Variants in PAK1 observed in about 807,000 individuals in gnomAD.
PAK1 encodes the protein p21 (RAC1) activated kinase 1.
A neutral mutation model predicts 67.4 loss-of-function variants in PAK1; 29 were observed. The observed-to-expected ratio is 0.43, with a 90% CI of 0.32 to 0.59. PAK1 has a LOEUF of 0.59. Among genes scored for constraint, PAK1 ranks in the 20% least tolerant of loss-of-function variants. The probability of loss-of-function intolerance (pLI) is 0.07; values close to 1 mark genes in which losing one functional copy is unlikely to be tolerated. For synonymous variants in PAK1, 223 were observed against 237.4 expected (o/e 0.94, Z 0.56); for missense variants, 337 against 670.7 (o/e 0.50, Z 5.50).
rs1938661574 is a variant in PAK1 at position 77,322,495 on chromosome 11, C to T, written c.*779G>A. On this transcript the variant is annotated 3_prime_UTR_variant, in exon 15 of 15. Transcript: ENST00000356341. The stretch of plus-strand genomic sequence containing the variant: ...TTGCTCTAAAAGTAGTCACCATTTT[C>T]CCCGACTTCTCAACACTGCTCTCAC... The T allele has an allele frequency of 5.2e-6, 1 of 192,778 alleles. No homozygotes were observed. Among genetic ancestry groups the T allele is most frequent in the Non-Finnish European group, 1.1e-5 (1 of 92,250 alleles). The allele number at this position is 192,778 out of a possible 1,614,324, so 11.9% of individuals were successfully genotyped here. A position where few individuals can be genotyped will look rare whatever the true frequency, so the allele number is the denominator to read the frequency against.
At chr11:77,443,963 T>G (rs1261151331) in intron 1 of PAK1, among the ~76,000 whole-genome samples, 1 of 152,164 alleles carries the variant, frequency 6.6e-6, no homozygotes, top group Admixed American at 6.5e-5. Flanking sequence ...TTGAAATATC[T>G]GCAAATATTT....
intron 1 of PAK1, among the ~76,000 whole-genome samples, chr11:77,449,756 T>C (rs1956776254): frequency 6.7e-6 from 1 of 150,256 alleles, no homozygotes; most frequent in African/African-American, 2.4e-5. Context: ...TAATGTGGAC[T>C]AGGAAACAGT....
intron 1 of PAK1, among the ~76,000 whole-genome samples, chr11:77,416,766 A>C (rs959032740): frequency 6.6e-6 from 1 of 152,194 alleles, no homozygotes; most frequent in Non-Finnish European, 1.5e-5. Context: ...ATCCTGGCTA[A>C]CACAGTGAAA....
chr11:77,355,691 T>C lies in PAK1; in HGVS notation c.749A>G (p.Asp250Gly), dbSNP rs1319295411. ...ACGTAATTTCTCCAAGATCTCCTCA[T>C]CAGACATTTTAGGCTTCTTCTTCTG... ...EKQKKKPKMSDEEILEKLRSI... is the reference protein window; with the variant it reads ...EKQKKKPKMSGEEILEKLRSI... The change falls in exon 7 of 15, where the codon GAT becomes GGT. Residue 250 changes from aspartate to glycine, a missense_variant. Asp to Gly is a moderately conservative substitution (Grantham distance 94, BLOSUM62 -1). Around this residue, in one of 8 missense-constraint regions of PAK1, gnomAD observed 150 missense variants for 179.0 expected, o/e 0.84. Coordinates refer to ENST00000356341, the MANE Select transcript of PAK1 (RefSeq NM_002576.5). 6.2e-7 allele frequency: 1 copy of C among 1,613,466 alleles called. No individual in the cohort carries two copies. The highest frequency in any genetic ancestry group is 8.5e-7 in the Non-Finnish European group (1 of 1,179,492).
intron 1 of PAK1, among the ~76,000 whole-genome samples, chr11:77,406,091 A>C (rs180713639): frequency 6.6e-6 from 1 of 152,196 alleles, no homozygotes; most frequent in Admixed American, 6.5e-5. Flanking sequence ...TATCATCCAC[A>C]CATCCAAGGC....
chr11:77,322,479 A>C lies in PAK1; in HGVS notation c.*795T>G. 1 of 193,932 alleles carries C rather than the reference A, an allele frequency of 5.2e-6. No individual in the cohort carries two copies. The highest frequency in any genetic ancestry group is 1.1e-5 in the Non-Finnish European group (1 of 92,920). 12.0% of individuals were successfully genotyped at this position (193,932 alleles called of 1,614,324 possible). ...GTGCTGATGCCCAGCCTTGCTCTAAAAGTAGTCACCATTTTCCCCGACTTC... is the reference window on the plus strand; with the variant it reads ...GTGCTGATGCCCAGCCTTGCTCTAACAGTAGTCACCATTTTCCCCGACTTC... On this transcript the variant is annotated 3_prime_UTR_variant, in exon 15 of 15. Coordinates refer to ENST00000356341, the MANE Select transcript of PAK1 (RefSeq NM_002576.5).
At chr11:77,368,456 C>A (rs1056755788) in intron 5 of PAK1, among the ~76,000 whole-genome samples, 1 of 152,108 alleles carries the variant, frequency 6.6e-6, no homozygotes, top group African/African-American at 2.4e-5. Flanking sequence ...CATTTACTTT[C>A]TTAAAGCTAC....
At chr11:77,490,295 C>CCCCCTCCCCGG in the PAK1 span, among the ~76,000 whole-genome samples, 2 of 147,924 alleles carry the variant, frequency 1.4e-5, no homozygotes, top group Admixed American at 1.3e-4. Context: ...GGTCAGCCCC[C>CCCCCTCCCCGG]CCACCCGGCC....
At chr11:77,327,471 G>A (rs2136011267) in intron 14 of PAK1, among the ~76,000 whole-genome samples, 1 of 152,274 alleles carries the variant, frequency 6.6e-6, no homozygotes, top group East Asian at 1.9e-4. Flanking sequence ...GAGAGTGGGG[G>A]CCAATATTCA....
intron 1 of PAK1, among the ~76,000 whole-genome samples, chr11:77,395,593 C>A (rs1301307903): frequency 6.6e-6 from 1 of 151,796 alleles, no homozygotes; most frequent in East Asian, 1.9e-4. Context: ...TACTTATACA[C>A]ACACACAGAC....
chr11:77,510,334 G>A, the PAK1 span, among the ~76,000 whole-genome samples: 1 of 152,138 alleles, frequency 6.6e-6, no homozygotes. Context: ...CCTGTGAAAG[G>A]GTGCTATTTA....
intron 5 of PAK1, among the ~76,000 whole-genome samples, chr11:77,366,016 G>C (rs756604173): frequency 6.6e-5 from 10 of 152,096 alleles, no homozygotes; most frequent in Non-Finnish European, 1.5e-4. Flanking sequence ...AAAAACTTCT[G>C]ATCAGAAAAA....
the PAK1 span, among the ~76,000 whole-genome samples, chr11:77,495,992 A>G: frequency 2.0e-5 from 3 of 150,118 alleles, no homozygotes; most frequent in African/African-American, 4.9e-5. Context: ...AACAATGTGC[A>G]TGTACTTAAT....
chr11:77,353,081 C>T (rs11237170), intron 8 of PAK1: 6,573 of 155,914 alleles, frequency 0.042, 510 homozygotes, highest in African/African-American at 0.15. Flanking sequence ...CTGAGGGCAG[C>T]ATATAAGATA....
In PAK1 at chr11:77,336,297, T is replaced by C. The variant is rs760412763; in HGVS notation, c.1217-15A>G. On this transcript the variant is annotated splice_polypyrimidine_tract_variant and intron_variant, in intron 12 of 14. Coordinates refer to ENST00000356341, the MANE Select transcript of PAK1 (RefSeq NM_002576.5). ...TCCAAAGTCAGCTAGAAAAGAAAAA[T>C]AAGAGAAAGAACATACATTTAGGAT... 3 of 1,588,696 alleles carry C rather than the reference T, an allele frequency of 1.9e-6. No homozygotes were observed. Among genetic ancestry groups the C allele is most frequent in the Non-Finnish European group, 2.6e-6 (3 of 1,159,138 alleles).
chr11:77,363,107 CTA>C (rs1947025540), intron 5 of PAK1, among the ~76,000 whole-genome samples: 2 of 152,120 alleles, frequency 1.3e-5, no homozygotes, highest in African/African-American at 4.8e-5. Flanking sequence ...AAGGATAAGA[CTA>C]TATCCTAAGG....
chr11:77,491,137 GA>G, the PAK1 span, among the ~76,000 whole-genome samples: 25 of 92,950 alleles, frequency 2.7e-4, no homozygotes, highest in East Asian at 9.0e-4. Flanking sequence ...AAAAAAAAAA[GA>G]AAAAAAAAAT....
chr11:77,359,122 T>TG, intron 5 of PAK1, 105 bp from the exon 6 acceptor site: 1 of 998,592 alleles, frequency 1.0e-6, no homozygotes, highest in Admixed American at 2.3e-5. Context: ...ATATCCCTTC[T>TG]GAAATACACA....
At chr11:77,464,403 A>G (rs1957497268) in intron 1 of PAK1, among the ~76,000 whole-genome samples, 2 of 152,182 alleles carry the variant, frequency 1.3e-5, no homozygotes, top group Admixed American at 1.3e-4. Flanking sequence ...GACTTATCAA[A>G]ATCTGCAACT....
Sources: gnomAD v4.1 joint callset for allele counts (sites outside exome capture counted in the v4.1 genomes callset) on GRCh38, gnomAD v4.1.1 for gene constraint, gnomAD v4.1.1 regional missense constraint, MANE v1.5 for transcripts, NCBI Gene and HGNC (gene_info 2026-07-23, HGNC 2026-07-21) for gene names.